PARD3B: variants seen among roughly 807,000 people sequenced by gnomAD.
PARD3B encodes partitioning defective 3 homolog B.
PARD3B carries 103 observed loss-of-function variants against 130.2 expected under a neutral mutation model. That is an observed-to-expected ratio of 0.79 (90% CI 0.67 to 0.93). The LOEUF is 0.93. Among genes scored for constraint, PARD3B ranks in the 40% least tolerant of loss-of-function variants. The pLI is 0.00. For synonymous variants in PARD3B, 583 were observed against 553.2 expected, an observed-to-expected ratio of 1.05 and a Z score of -0.76; for missense variants, 1,609 against 1,499.2, an observed-to-expected ratio of 1.07 and a Z score of -1.21.
At chr2:205,312,214 A>G (rs1396518637) in intron 18 of PARD3B, among the ~76,000 whole-genome samples, 1 of 152,122 alleles carries the variant, frequency 6.6e-6, no homozygotes, top group Non-Finnish European at 1.5e-5. Flanking sequence ...CTTCAACTTT[A>G]TGGGTATGAA....
intron 16 of PARD3B, among the ~76,000 whole-genome samples, chr2:205,286,762 TATCAGATTTC>T (rs1157251477): frequency 2.6e-5 from 4 of 152,222 alleles, no homozygotes; most frequent in Admixed American, 2.0e-4. Context: ...TTAAAAGTGA[TATCAGATTTC>T]CTCCAATCTC....
intron 20 of PARD3B, among the ~76,000 whole-genome samples, chr2:205,498,174 T>A (rs2106336755): frequency 7.4e-6 from 1 of 134,996 alleles, no homozygotes; most frequent in African/African-American, 2.8e-5. Flanking sequence ...CACTCTACCC[T>A]GGGTGACAGA....
In PARD3B at chr2:205,089,874, C is replaced by T. The variant is rs1701994372; in HGVS notation, c.505-14552C>T. Among the ~76,000 whole-genome samples, 4 of 152,202 alleles carry T rather than the reference C, an allele frequency of 2.6e-5. No homozygotes were observed. In the South Asian group the frequency reaches 8.3e-4, roughly 32 times the overall value. ...TCCTTTCTCAGAGGAAGGTCATCCA[C>T]AGAAAATTAACCAATATGTTTGATT... is the stretch of plus-strand genomic sequence containing the variant. On this transcript the variant is annotated intron_variant, in intron 4 of 22. Transcript: ENST00000406610.
chr2:204,908,031 C>T (rs2047097910), intron 2 of PARD3B, among the ~76,000 whole-genome samples: 1 of 152,124 alleles, frequency 6.6e-6, no homozygotes, highest in South Asian at 2.1e-4. Flanking sequence ...TCCCTTCTAA[C>T]TATTTTTAAC....
intron 18 of PARD3B, among the ~76,000 whole-genome samples, chr2:205,318,164 G>A (rs986122635): frequency 2.0e-5 from 3 of 152,080 alleles, no homozygotes; most frequent in Non-Finnish European, 2.9e-5. Flanking sequence ...CTCCCCCAGG[G>A]ACTGTAATTT....
chr2:205,496,424 A>G (rs2049927583), intron 20 of PARD3B, among the ~76,000 whole-genome samples: 1 of 152,212 alleles, frequency 6.6e-6, no homozygotes, highest in Admixed American at 6.6e-5. Context: ...ATATTGAGAC[A>G]TCGTCCCAGG....
chr2:204,743,454 G>T (rs1406194627), intron 2 of PARD3B, among the ~76,000 whole-genome samples: 1 of 152,068 alleles, frequency 6.6e-6, no homozygotes, highest in East Asian at 1.9e-4. Context: ...TACATATCTT[G>T]AAAAATGACC....
intron 1 of PARD3B, among the ~76,000 whole-genome samples, chr2:204,633,595 C>T (rs934696959): frequency 6.6e-6 from 1 of 152,080 alleles, no homozygotes; most frequent in African/African-American, 2.4e-5. Flanking sequence ...AGGTGGATCA[C>T]CTGAGGTGAG....
intron 1 of PARD3B, among the ~76,000 whole-genome samples, chr2:204,643,911 G>C (rs1388611304): frequency 6.6e-6 from 1 of 152,108 alleles, no homozygotes; most frequent in African/African-American, 2.4e-5. Flanking sequence ...AAAAGTAGAA[G>C]CCTGACTGCG....
chr2:204,729,896 T>G (rs1223821110), intron 2 of PARD3B, among the ~76,000 whole-genome samples: 2 of 151,972 alleles, frequency 1.3e-5, no homozygotes, highest in Non-Finnish European at 2.9e-5. Flanking sequence ...AAATTAGTAT[T>G]TATATGGTTC....
intron 6 of PARD3B, among the ~76,000 whole-genome samples, chr2:205,115,307 A>G (rs932645683): frequency 1.3e-5 from 2 of 152,250 alleles, no homozygotes; most frequent in Middle Eastern, 3.4e-3. Context: ...GAACAACTGG[A>G]TTTGAATCCC....
At chr2:205,120,683 A>G (rs912872566) in intron 7 of PARD3B, among the ~76,000 whole-genome samples, 7 of 152,174 alleles carry the variant, frequency 4.6e-5, no homozygotes, top group African/African-American at 1.7e-4. Context: ...TGTGGCTACT[A>G]TCCTTCAGTG....
chr2:204,825,279 T>C (rs2043524681), intron 2 of PARD3B, among the ~76,000 whole-genome samples: 1 of 152,180 alleles, frequency 6.6e-6, no homozygotes, highest in South Asian at 2.1e-4. Flanking sequence ...CTAATTATAA[T>C]GTCCCCAGGG....
At chr2:205,041,060 G>A (rs1487860525) in intron 3 of PARD3B, among the ~76,000 whole-genome samples, 1 of 152,142 alleles carries the variant, frequency 6.6e-6, no homozygotes, top group Non-Finnish European at 1.5e-5. Flanking sequence ...AAAATTCTGA[G>A]AGAGTATGAA....
Position 204,575,159 on chromosome 2 carries a change from C to G in PARD3B, c.120+29040C>G, listed in dbSNP as rs114207791. Among the ~76,000 whole-genome samples the G allele has an allele frequency of 8.1e-3, 1,235 of 152,284 alleles. 19 individuals are homozygous for G. The highest frequency in any genetic ancestry group is 0.028 in the African/African-American group (1,174 of 41,552). On this transcript the variant is annotated intron_variant, in intron 1 of 22. Coordinates refer to ENST00000406610, the MANE Select transcript of PARD3B (RefSeq NM_001302769.2). ...TAACTTAACCTAAGACAGTAATATA[C>G]ATGGTTTCATTACAATCTGTATATT... is the stretch of plus-strand genomic sequence containing the variant.
chr2:205,298,311 A>C (rs1207431), intron 16 of PARD3B, among the ~76,000 whole-genome samples: 137,249 of 152,134 alleles, frequency 0.9, 62,093 homozygotes, highest in Admixed American at 0.94. Context: ...GCTTCTATAC[A>C]CCCAAACCTC....
chr2:204,571,025 T>C (rs547898021), intron 1 of PARD3B, among the ~76,000 whole-genome samples: 4 of 152,188 alleles, frequency 2.6e-5, no homozygotes, highest in South Asian at 2.1e-4. Context: ...TAAGCTGTTG[T>C]AACTGAGGTG....
chr2:205,608,119 G>T (rs2055083979), intron 22 of PARD3B, among the ~76,000 whole-genome samples: 1 of 152,116 alleles, frequency 6.6e-6, no homozygotes, highest in Non-Finnish European at 1.5e-5. Flanking sequence ...AAAATAGTTA[G>T]GGAAAAGCAG....
chr2:204,961,883 G>GGT (rs1193721006), intron 2 of PARD3B, among the ~76,000 whole-genome samples: 1 of 152,074 alleles, frequency 6.6e-6, no homozygotes. Context: ...GGAGTTGAGG[G>GGT]GTGAGAGCCT....
Sources: allele counts gnomAD v4.1 joint callset (sites outside exome capture counted in the v4.1 genomes callset), GRCh38; gene constraint gnomAD v4.1.1; transcripts MANE v1.5; gene names NCBI Gene and HGNC (gene_info 2026-07-23, HGNC 2026-07-21).